The following KLHL8 variants were observed in gnomAD, a reference collection of about 807,000 sequenced individuals.
KLHL8 encodes the protein kelch like family member 8.
In KLHL8, 38 loss-of-function variants were observed where a neutral mutation model predicts 63.5. The ratio of observed to expected loss-of-function variants is 0.60; its 90% confidence interval spans 0.46 to 0.78. The LOEUF is 0.78. Among genes scored for constraint, KLHL8 ranks in the 30% least tolerant of loss-of-function variants. The probability of loss-of-function intolerance (pLI) is 0.00; values close to 1 mark genes in which losing one functional copy is unlikely to be tolerated. For missense variants in KLHL8, 566 were observed against 752.4 expected (o/e 0.75, Z 2.90); for synonymous variants, 224 against 254.3 (o/e 0.88, Z 1.13).
At chr4:87,178,724 T>G in intron 4 of KLHL8, 104 bp from the exon 5 acceptor site, 1 of 1,106,650 alleles carries the variant, frequency 9.0e-7, no homozygotes, top group Non-Finnish European at 1.2e-6. Flanking sequence ...AAAAAGTTAT[T>G]TGGATAGTAT....
chr4:87,178,428 TA>T (rs1317990576), intron 5 of KLHL8, 48 bp downstream of exon 5: 1 of 1,517,904 alleles, frequency 6.6e-7, no homozygotes. Context: ...TGAAATATTT[TA>T]AAAAGAGCAT....
intron 1 of KLHL8, among the ~76,000 whole-genome samples, chr4:87,218,307 A>T (rs1732678800): frequency 6.6e-6 from 1 of 150,842 alleles, no homozygotes; most frequent in Non-Finnish European, 1.5e-5. Context: ...GCGTGATCTC[A>T]GCTCACTTCC....
intron 1 of KLHL8, among the ~76,000 whole-genome samples, chr4:87,202,001 T>C (rs1318518784): frequency 6.6e-6 from 1 of 151,550 alleles, no homozygotes; most frequent in Admixed American, 6.6e-5. Flanking sequence ...CCAGCTACTC[T>C]GAGGCTGAGG....
At chr4:87,182,173 G>A (rs185054039) in intron 4 of KLHL8, among the ~76,000 whole-genome samples, 1 of 142,536 alleles carries the variant, frequency 7.0e-6, no homozygotes, top group Non-Finnish European at 1.5e-5. Context: ...AGCTTGCAGT[G>A]AGCCAGCCGA....
Position 87,185,256 on chromosome 4 carries a change from C to T in KLHL8, c.760G>A (p.Ala254Thr). 6.2e-7 allele frequency: 1 copy of T among 1,608,554 alleles called. No homozygotes were observed. Among genetic ancestry groups the T allele is most frequent in the Non-Finnish European group, 8.5e-7 (1 of 1,176,612 alleles). ...HHSKWLDETL[A>T]QVRLPLLPVD... ...AATCTTATTTCAGCTCCTACCTGTGCAAGTGTTTCATCCAACCATTTGGAA... is the reference window on the plus strand; with the variant it reads ...AATCTTATTTCAGCTCCTACCTGTGTAAGTGTTTCATCCAACCATTTGGAA... Residue 254 changes from alanine (A) to threonine (T), a missense_variant, in exon 3 of 10, where the codon GCA (alanine) becomes ACA (threonine). Physicochemically the swap from Ala to Thr is moderately conservative, Grantham distance 58. Coordinates refer to ENST00000273963, the MANE Select transcript of KLHL8 (RefSeq NM_020803.5).
chr4:87,203,960 T>C (rs1339532023), intron 1 of KLHL8, among the ~76,000 whole-genome samples: 1 of 152,036 alleles, frequency 6.6e-6, no homozygotes, highest in Non-Finnish European at 1.5e-5. Context: ...ACAACTCAAT[T>C]AAAATATGGA....
intron 6 of KLHL8, among the ~76,000 whole-genome samples, chr4:87,172,893 TATTA>T (rs1294107416): frequency 6.6e-6 from 1 of 152,204 alleles, no homozygotes; most frequent in African/African-American, 2.4e-5. Flanking sequence ...ACAATTCCCC[TATTA>T]TTTAAATAAA....
At chr4:87,168,508 T>C (rs562021125) in intron 8 of KLHL8, among the ~76,000 whole-genome samples, 5 of 152,066 alleles carry the variant, frequency 3.3e-5, no homozygotes, top group African/African-American at 9.6e-5. Context: ...TCTTCTTTAA[T>C]GGGGGGAGGT....
chr4:87,232,884 T>C (rs1733158932), intron 1 of KLHL8, among the ~76,000 whole-genome samples: 1 of 149,002 alleles, frequency 6.7e-6, no homozygotes, highest in African/African-American at 2.6e-5. Flanking sequence ...TTCTATTAGG[T>C]TTTTTTTTCC....
chr4:87,167,830 A>G, intron 8 of KLHL8: 1 of 210,476 alleles, frequency 4.8e-6, no homozygotes, highest in South Asian at 8.3e-5. Context: ...AAAATTTCCT[A>G]TTAATTCTTA....
chr4:87,227,659 ACT>A (rs1733059347), intron 1 of KLHL8, among the ~76,000 whole-genome samples: 3 of 152,070 alleles, frequency 2.0e-5, no homozygotes, highest in Non-Finnish European at 4.4e-5. Flanking sequence ...TAAATAAATA[ACT>A]AAGTTATTTG....
At chr4:87,173,354 T>C (rs1730704994) in intron 6 of KLHL8, among the ~76,000 whole-genome samples, 1 of 152,216 alleles carries the variant, frequency 6.6e-6, no homozygotes, top group Admixed American at 6.5e-5. Context: ...TTTCTACTGC[T>C]GGTAGCAAAA....
chr4:87,221,532 A>G (rs1174099262), upstream of KLHL8: 1 of 152,080 alleles, frequency 6.6e-6, no homozygotes, highest in Non-Finnish European at 1.5e-5. Flanking sequence ...TTTTTTAAAG[A>G]AAGATATTCC....
intron 4 of KLHL8, among the ~76,000 whole-genome samples, chr4:87,179,741 C>T (rs1019666144): frequency 5.9e-5 from 9 of 152,016 alleles, no homozygotes; most frequent in Admixed American, 2.0e-4. Flanking sequence ...TGCACCACTG[C>T]ACTCCAGCCT....
chr4:87,195,737 AATT>A (rs1731670648), intron 1 of KLHL8, 47 bp from the exon 2 acceptor site: 3 of 479,580 alleles, frequency 6.3e-6, no homozygotes, highest in East Asian at 3.2e-5. Context: ...AAAAGAAAAA[AATT>A]ATTGTTAACT....
chr4:87,195,494 T>C lies in KLHL8; in HGVS notation c.46A>G (p.Thr16Ala), dbSNP rs368756104. 3 of 1,613,726 alleles carry C rather than the reference T, an allele frequency of 1.9e-6. No homozygotes were observed. The highest frequency in any genetic ancestry group is 2.7e-5 in the African/African-American group (2 of 74,932). The change falls in exon 2 of 10, where the codon ACA (threonine) becomes GCA (alanine). Residue 16 changes from threonine (T) to alanine (A), a missense_variant. Transcript: ENST00000273963. ...TGCTGTTGTTGCCTTTTCCCCTTTGTAATGTGATTCCTAGCTTGTTTACTA... is the reference window on the plus strand; with the variant it reads ...TGCTGTTGTTGCCTTTTCCCCTTTGCAATGTGATTCCTAGCTTGTTTACTA... Reference protein sequence around the residue: ...MSSKQARNHITKGKRQQQHQQ... With the variant: ...MSSKQARNHIAKGKRQQQHQQ...
intron 8 of KLHL8, chr4:87,167,501 T>G: frequency 1.9e-6 from 1 of 536,516 alleles, no homozygotes; most frequent in Non-Finnish European, 3.8e-6. Flanking sequence ...GGGAGCAATT[T>G]ACCAATGCGG....
chr4:87,189,971 T>C (rs1578378891), intron 2 of KLHL8, among the ~76,000 whole-genome samples: 1 of 147,668 alleles, frequency 6.8e-6, no homozygotes, highest in Non-Finnish European at 1.5e-5. Context: ...GAGGCAGAGG[T>C]TGCAGTGAGC....
rs542551232 is a variant in KLHL8 at position 87,186,555 on chromosome 4, T to C, written c.217-756A>G. On this transcript the variant is annotated intron_variant, in intron 2 of 9. Coordinates refer to ENST00000273963, the MANE Select transcript of KLHL8 (RefSeq NM_020803.5). ...AGTGCAGTGACGTGATCATGGCTCATTGCAGCCTCAACCTGCTGGGCTCGA... is the reference window on the plus strand; with the variant it reads ...AGTGCAGTGACGTGATCATGGCTCACTGCAGCCTCAACCTGCTGGGCTCGA... 4.0e-3 allele frequency among the ~76,000 whole-genome samples: 607 copies of C among 151,704 alleles called. 4 individuals carry two copies. The highest frequency in any genetic ancestry group is 6.8e-3 in the Non-Finnish European group (461 of 67,878).
Sources: allele counts gnomAD v4.1 joint callset (sites outside exome capture counted in the v4.1 genomes callset), GRCh38; gene constraint gnomAD v4.1.1; transcripts MANE v1.5; gene names NCBI Gene and HGNC (gene_info 2026-07-23, HGNC 2026-07-21).